PID1: variants seen among roughly 807,000 people sequenced by gnomAD.
PID1 encodes the protein PTB-containing, cubilin and LRP1-interacting protein.
A neutral mutation model predicts 19.1 loss-of-function variants in PID1; 10 were observed. The ratio of observed to expected loss-of-function variants is 0.52; its 90% confidence interval spans 0.32 to 0.89. PID1 has a LOEUF of 0.89. Ranked by LOEUF, PID1 falls within the 40% of genes least tolerant of loss-of-function variation. The pLI is 0.03. For synonymous variants in PID1, 130 were observed against 116.0 expected (o/e 1.12, Z -0.78); for missense variants, 248 against 285.3 (o/e 0.87, Z 0.94).
At chr2:229,092,832 T>C (rs1694901527) in intron 2 of PID1, among the ~76,000 whole-genome samples, 1 of 152,216 alleles carries the variant, frequency 6.6e-6, no homozygotes, top group South Asian at 2.1e-4. Flanking sequence ...TCTTTGTCCG[T>C]ATACCTCTCT....
At chr2:229,262,622 G>A in intron 1 of PID1, 1 of 1,532,306 alleles carries the variant, frequency 6.5e-7, no homozygotes, top group Non-Finnish European at 8.8e-7. Context: ...GCTACCTAGG[G>A]CTGTTGTAAC....
chr2:229,059,064 T>C (rs1400446860), intron 2 of PID1, among the ~76,000 whole-genome samples: 3 of 152,064 alleles, frequency 2.0e-5, no homozygotes, highest in Non-Finnish European at 4.4e-5. Context: ...ACAAACAAAA[T>C]GAAAAACCCA....
At chr2:229,240,257 T>G (rs1450727726) in intron 1 of PID1, among the ~76,000 whole-genome samples, 1 of 152,136 alleles carries the variant, frequency 6.6e-6, no homozygotes. Flanking sequence ...CCAGACGTGT[T>G]TTACAAATAA....
At chr2:229,056,781 A>T (rs2106189117) in intron 2 of PID1, among the ~76,000 whole-genome samples, 1 of 152,204 alleles carries the variant, frequency 6.6e-6, no homozygotes, top group South Asian at 2.1e-4. Context: ...TATGATTAAA[A>T]TAATTCTACC....
intron 2 of PID1, among the ~76,000 whole-genome samples, chr2:229,125,595 AC>A (rs1695607112): frequency 6.6e-6 from 1 of 152,184 alleles, no homozygotes; most frequent in Admixed American, 6.5e-5. Context: ...AGTTTACTAC[AC>A]TGAAGTACAT....
intron 2 of PID1, among the ~76,000 whole-genome samples, chr2:229,074,165 C>T (rs1430731657): frequency 6.6e-6 from 1 of 152,064 alleles, no homozygotes; most frequent in Non-Finnish European, 1.5e-5. Context: ...ATGAAGACAG[C>T]ACAAGAAGCT....
At chr2:229,199,168 C>G (rs1401914378) in intron 1 of PID1, among the ~76,000 whole-genome samples, 2 of 152,008 alleles carry the variant, frequency 1.3e-5, no homozygotes, top group Non-Finnish European at 2.9e-5. Flanking sequence ...GAGACAACCT[C>G]CTTATCATCA....
intron 1 of PID1, among the ~76,000 whole-genome samples, chr2:229,205,997 G>A (rs911277289): frequency 2.1e-4 from 32 of 152,108 alleles, no homozygotes; most frequent in Non-Finnish European, 3.7e-4. Flanking sequence ...TGCCCCGTGA[G>A]AAAACTTGGA....
chr2:229,050,935 G>A (rs1693984105), intron 2 of PID1, among the ~76,000 whole-genome samples: 1 of 152,150 alleles, frequency 6.6e-6, no homozygotes, highest in African/African-American at 2.4e-5. Context: ...GAAGAAAATA[G>A]CTATTTGCTA....
intron 2 of PID1, among the ~76,000 whole-genome samples, chr2:229,118,718 G>C (rs530898295): frequency 1.3e-5 from 2 of 152,264 alleles, no homozygotes; most frequent in Admixed American, 6.5e-5. Flanking sequence ...TTGGGGGAAA[G>C]TACTAAACAT....
chr2:229,234,098 C>T (rs183215352), intron 1 of PID1, among the ~76,000 whole-genome samples: 17 of 152,218 alleles, frequency 1.1e-4, no homozygotes, highest in Admixed American at 3.9e-4. Context: ...GAGTAGCCAG[C>T]GCTTCATGAA....
chr2:229,043,857 G>A (rs375321226), intron 2 of PID1, among the ~76,000 whole-genome samples: 18 of 152,178 alleles, frequency 1.2e-4, no homozygotes, highest in African/African-American at 3.4e-4. Context: ...GGCAATGCCC[G>A]GGGCAGACCT....
intron 1 of PID1, among the ~76,000 whole-genome samples, chr2:229,193,331 T>C (rs564696641): frequency 1.6e-4 from 25 of 152,332 alleles, no homozygotes; most frequent in Non-Finnish European, 3.4e-4. Flanking sequence ...TTGTTCATGG[T>C]GGCTCAGAGC....
intron 2 of PID1, among the ~76,000 whole-genome samples, chr2:229,103,639 G>A (rs1488023223): frequency 7.2e-6 from 1 of 138,706 alleles, no homozygotes; most frequent in African/African-American, 2.7e-5. Context: ...GTGCAGCGGT[G>A]TGATCTTGGC....
intron 2 of PID1, among the ~76,000 whole-genome samples, chr2:229,080,794 C>T (rs1358753425): frequency 1.3e-5 from 2 of 152,150 alleles, no homozygotes; most frequent in East Asian, 3.9e-4. Context: ...AAGAAAACCT[C>T]TAACAAATAG....
chr2:229,033,860 C>A (rs1240298523), intron 2 of PID1, among the ~76,000 whole-genome samples: 1 of 152,162 alleles, frequency 6.6e-6, no homozygotes, highest in African/African-American at 2.4e-5. Context: ...TAACCCTGGG[C>A]AAAATACCAG....
intron 1 of PID1, among the ~76,000 whole-genome samples, chr2:229,188,085 C>A (rs1230123243): frequency 6.6e-6 from 1 of 152,196 alleles, no homozygotes; most frequent in Non-Finnish European, 1.5e-5. Flanking sequence ...ACAAATTATA[C>A]ATTACAAATA....
At chr2:229,263,933 C>CACT (rs1364857960) in intron 1 of PID1, among the ~76,000 whole-genome samples, 1 of 152,116 alleles carries the variant, frequency 6.6e-6, no homozygotes, top group Admixed American at 6.5e-5. Context: ...TTATTACTGA[C>CACT]ACTACTACTA....
intron 1 of PID1, among the ~76,000 whole-genome samples, chr2:229,253,835 T>A (rs1266658471): frequency 2.0e-5 from 3 of 152,208 alleles, no homozygotes; most frequent in African/African-American, 7.2e-5. Flanking sequence ...GTTACCTGTA[T>A]ATCATTCAGT....
Sources: allele counts gnomAD v4.1 joint callset (sites outside exome capture counted in the v4.1 genomes callset), GRCh38; gene constraint gnomAD v4.1.1; transcripts MANE v1.5; gene names NCBI Gene and HGNC (gene_info 2026-07-23, HGNC 2026-07-21).